CCDC34: variants seen among roughly 807,000 people sequenced by gnomAD.
CCDC34 encodes the protein coiled-coil domain containing 34, also known as coiled-coil domain-containing protein 34.
A neutral mutation model predicts 44.1 loss-of-function variants in CCDC34; 40 were observed. The observed-to-expected ratio is 0.91, with a 90% CI of 0.70 to 1.18. CCDC34 has a LOEUF of 1.18. CCDC34 is among the 50% of genes most tolerant of loss of function. The probability of loss-of-function intolerance (pLI) is 0.00; values close to 1 mark genes in which losing one functional copy is unlikely to be tolerated. For missense variants in CCDC34, 466 were observed against 452.3 expected, an observed-to-expected ratio of 1.03 and a Z score of -0.28; for synonymous variants, 159 against 158.2, an observed-to-expected ratio of 1.01 and a Z score of -0.04.
chr11:27,341,947 T>C (rs2133338721), intron 3 of CCDC34, among the ~76,000 whole-genome samples: 1 of 152,268 alleles, frequency 6.6e-6, no homozygotes, highest in Middle Eastern at 3.4e-3. Context: ...TGATGGTGAA[T>C]AAGTCTTGCA....
intron 1 of CCDC34, among the ~76,000 whole-genome samples, chr11:27,362,015 C>T (rs1862671423): frequency 6.6e-6 from 1 of 152,166 alleles, no homozygotes; most frequent in South Asian, 2.1e-4. Context: ...CATGATCTGT[C>T]TATCTTCGTA....
chr11:27,341,966 T>C (rs1862366434), intron 3 of CCDC34, among the ~76,000 whole-genome samples: 1 of 152,274 alleles, frequency 6.6e-6, no homozygotes, highest in Admixed American at 6.5e-5. Flanking sequence ...CAAGATCTGA[T>C]GGTTTTTTAA....
At chr11:27,344,120 C>A (rs879621914) in intron 3 of CCDC34, among the ~76,000 whole-genome samples, 5 of 152,050 alleles carry the variant, frequency 3.3e-5, no homozygotes, top group Non-Finnish European at 7.4e-5. Context: ...TAAAGATACT[C>A]CATATTTTAA....
chr11:27,362,880 G>T lies in CCDC34; in HGVS notation c.315C>A (p.Ala105=). The change falls in exon 1 of 6, where the codon GCC becomes GCA. Residue 105 remains alanine (A), a synonymous_variant. Transcript: ENST00000328697. ...CCATTCCTCTCAGGCTCGCCACTTT[G>T]GCCTCTGAATCATGGGCATCTTCAT... ...DVDEDAHDSE[A]KVASLRGMEL... is the part of the protein sequence containing the mutation. 6.2e-7 allele frequency: 1 copy of T among 1,614,002 alleles called. No individual in the cohort carries two copies. The highest frequency in any genetic ancestry group is 1.3e-5 in the African/African-American group (1 of 74,948).
At chr11:27,350,074 A>C in intron 3 of CCDC34, 1 of 1,306,432 alleles carries the variant, frequency 7.7e-7, no homozygotes. Flanking sequence ...CCAAAAGGTC[A>C]GGCCTAGAAA....
chr11:27,339,107 C>G, intron 5 of CCDC34, 72 bp from the exon 6 acceptor site: 1 of 1,116,730 alleles, frequency 9.0e-7, no homozygotes, highest in East Asian at 2.4e-5. Flanking sequence ...CTTAAAACTT[C>G]TAGAAAAATG....
intron 3 of CCDC34, chr11:27,349,360 C>T (rs1232938940): frequency 1.1e-6 from 1 of 883,978 alleles, no homozygotes; most frequent in Non-Finnish European, 1.4e-6. Context: ...TTATAACACA[C>T]ATACATCTAA....
At chr11:27,342,347 A>ATG (rs1565057534) in intron 3 of CCDC34, among the ~76,000 whole-genome samples, 6 of 129,070 alleles carry the variant, frequency 4.6e-5, no homozygotes, top group African/African-American at 1.6e-4. Flanking sequence ...ATATAAATAT[A>ATG]TGTATATATA....
intron 3 of CCDC34, chr11:27,349,103 A>G (rs552517414): frequency 2.0e-6 from 2 of 985,102 alleles, no homozygotes; most frequent in East Asian, 2.3e-4. Flanking sequence ...TGGCATGGTA[A>G]AATTAGCTTA....
chr11:27,349,321 C>CA, intron 3 of CCDC34: 4 of 904,136 alleles, frequency 4.4e-6, no homozygotes, highest in Non-Finnish European at 5.3e-6. Context: ...TTTAAAAAAA[C>CA]AAAGTAATTG....
intron 3 of CCDC34, among the ~76,000 whole-genome samples, chr11:27,344,340 T>TATGTATATGTTATAAACAC: frequency 6.6e-6 from 1 of 152,002 alleles, no homozygotes; most frequent in Non-Finnish European, 1.5e-5. Flanking sequence ...GTTATAAACA[T>TATGTATATGTTATAAACAC]ATGTATATGT....
At chr11:27,354,098 A>G (rs977777788) in intron 2 of CCDC34, among the ~76,000 whole-genome samples, 22 of 152,246 alleles carry the variant, frequency 1.4e-4, no homozygotes, top group Non-Finnish European at 2.9e-4. Context: ...GAATACCACA[A>G]GAGCTCAACA....
intron 1 of CCDC34, among the ~76,000 whole-genome samples, chr11:27,358,789 C>A (rs758044859): frequency 5.9e-5 from 9 of 152,090 alleles, no homozygotes; most frequent in Non-Finnish European, 1.0e-4. Flanking sequence ...AAATATCAAT[C>A]AGTTGAAAAC....
chr11:27,341,298 T>G (rs1245140389), intron 4 of CCDC34, 94 bp downstream of exon 4: 20 of 735,794 alleles, frequency 2.7e-5, no homozygotes, highest in South Asian at 1.1e-4. Context: ...GCTAAGATAG[T>G]GCCAATTTTC....
chr11:27,355,471 A>C (rs1195043260), intron 2 of CCDC34, among the ~76,000 whole-genome samples: 2 of 152,198 alleles, frequency 1.3e-5, no homozygotes, highest in African/African-American at 4.8e-5. Context: ...TGGGAATTCA[A>C]AAATACACCC....
intron 1 of CCDC34, among the ~76,000 whole-genome samples, chr11:27,361,565 C>T (rs886462230): frequency 6.6e-6 from 1 of 152,124 alleles, no homozygotes; most frequent in Non-Finnish European, 1.5e-5. Context: ...TCAGAGGAGG[C>T]CTGTTTCTTG....
At chr11:27,349,949 TGAC>T in intron 3 of CCDC34, 1 of 1,073,858 alleles carries the variant, frequency 9.3e-7, no homozygotes, top group Non-Finnish European at 1.1e-6. Flanking sequence ...TAAGCCTTGA[TGAC>T]CGAGAAGACA....
chr11:27,348,654 G>A (rs977807913), intron 3 of CCDC34, among the ~76,000 whole-genome samples: 2 of 152,064 alleles, frequency 1.3e-5, no homozygotes, highest in Admixed American at 6.6e-5. Context: ...GAATGAAGCT[G>A]GAGGCAGCTG....
rs971819070 is a variant in CCDC34, at chr11:27,363,206, A to G, written c.-12T>C. 3 of 1,457,412 alleles carry G rather than the reference A, an allele frequency of 2.1e-6. No homozygotes were observed. The Admixed American group carries it at 7.7e-5, about 38-fold the overall frequency. The allele number at this position is 1,457,412 out of a possible 1,614,324, so 90.3% of individuals were successfully genotyped here. On this transcript the variant is annotated 5_prime_UTR_variant, in exon 1 of 6. Coordinates refer to ENST00000328697, the MANE Select transcript of CCDC34 (RefSeq NM_030771.2). ...CCCGCCGCCCACATCTGGCCCGCCA[A>G]GTTCAAACTGGCGGAGCCGCGGCGG...
Sources: allele counts gnomAD v4.1 joint callset (sites outside exome capture counted in the v4.1 genomes callset), GRCh38; gene constraint gnomAD v4.1.1; transcripts MANE v1.5; gene names NCBI Gene and HGNC (gene_info 2026-07-23, HGNC 2026-07-21).